CTNNA3: variants seen among roughly 807,000 people sequenced by gnomAD.
CTNNA3 encodes catenin alpha 3.
CTNNA3 carries 76 observed loss-of-function variants against 95.7 expected under a neutral mutation model. That is an observed-to-expected ratio of 0.79 (90% confidence interval 0.66 to 0.96). The LOEUF (loss-of-function observed/expected upper bound fraction) is 0.96. Ranked by LOEUF, CTNNA3 falls within the 40% of genes least tolerant of loss-of-function variation. The pLI, the probability that CTNNA3 is intolerant of heterozygous loss-of-function variation, is 0.00. For synonymous variants in CTNNA3, 431 were observed against 374.4 expected (o/e 1.15, Z -1.74); for missense variants, 1,191 against 1,089.8 (o/e 1.09, Z -1.31).
At chr10:66,139,401 G>A (rs2133873134) in intron 13 of CTNNA3, among the ~76,000 whole-genome samples, 1 of 152,182 alleles carries the variant, frequency 6.6e-6, no homozygotes, top group East Asian at 1.9e-4. Flanking sequence ...CATATGAATG[G>A]CTTACAACCA....
At position 67,539,712 on chromosome 10, in the gene CTNNA3, C is replaced by T. The variant is rs555231772; in HGVS notation, c.293-43G>A. 1.7e-4 allele frequency: 262 copies of T among 1,564,068 alleles called. No homozygotes were observed. The Middle Eastern group carries it at 1.7e-3, about 10-fold the overall frequency. ...ATATAAGTTATACTTTAAGTTTCAA[C>T]TATGCCTATTTCAGGATTTATCAGC... is the stretch of plus-strand genomic sequence containing the variant. On this transcript the variant is annotated intron_variant, in intron 3 of 17. Transcript: ENST00000433211.
At position 67,332,396 on chromosome 10, in the gene CTNNA3, G is replaced by T. The variant is rs565476621; in HGVS notation, c.580-112526C>A. On this transcript the variant is annotated intron_variant, in intron 5 of 17. Coordinates refer to ENST00000433211, the MANE Select transcript of CTNNA3 (RefSeq NM_013266.4). ...TAAAGAAGGTGAATTAGGAAACTTTGTTCCTCATAACAGAGCTCCAGTGCT... is the reference window on the plus strand; with the variant it reads ...TAAAGAAGGTGAATTAGGAAACTTTTTTCCTCATAACAGAGCTCCAGTGCT... 1.1e-3 allele frequency among the ~76,000 whole-genome samples: 168 copies of T among 152,278 alleles called. 1 individual carries two copies. Among genetic ancestry groups the T allele is most frequent in the African/African-American group, 3.9e-3 (163 of 41,554 alleles).
chr10:66,605,558 G>C (rs1564563737), intron 10 of CTNNA3, among the ~76,000 whole-genome samples: 1 of 152,106 alleles, frequency 6.6e-6, no homozygotes, highest in Admixed American at 6.5e-5. Context: ...CTGCTAGAGA[G>C]AAAGGCCAGG....
intron 5 of CTNNA3, among the ~76,000 whole-genome samples, chr10:67,443,830 G>A (rs1197728637): frequency 6.6e-6 from 1 of 152,018 alleles, no homozygotes; most frequent in Non-Finnish European, 1.5e-5. Context: ...TTTGGCTTTT[G>A]TTGCCATTGC....
intron 14 of CTNNA3, among the ~76,000 whole-genome samples, chr10:66,090,560 G>T (rs1175834960): frequency 1.3e-5 from 2 of 152,012 alleles, no homozygotes; most frequent in Non-Finnish European, 2.9e-5. Flanking sequence ...CTTGCTCAAT[G>T]ACAGCAGTTA....
chr10:66,931,761 G>A (rs981809995), intron 7 of CTNNA3, among the ~76,000 whole-genome samples: 2 of 152,072 alleles, frequency 1.3e-5, no homozygotes, highest in Non-Finnish European at 2.9e-5. Flanking sequence ...TGGAACAGAG[G>A]CCATAGAATT....
intron 11 of CTNNA3, among the ~76,000 whole-genome samples, chr10:66,474,136 C>T (rs1839236814): frequency 6.6e-6 from 1 of 152,022 alleles, no homozygotes; most frequent in Non-Finnish European, 1.5e-5. Context: ...ATCATAGTCA[C>T]CCGTCTGTGC....
At chr10:66,346,246 T>TATATAGAGAGAG (rs1416945569) in intron 12 of CTNNA3, among the ~76,000 whole-genome samples, 9 of 27,776 alleles carry the variant, frequency 3.2e-4, no homozygotes, top group Non-Finnish European at 6.8e-4. Flanking sequence ...TATATATATA[T>TATATAGAGAGAG]AGAGAGAGAG....
At chr10:66,645,883 G>C (rs757761073) in intron 9 of CTNNA3, among the ~76,000 whole-genome samples, 3 of 152,118 alleles carry the variant, frequency 2.0e-5, no homozygotes, top group Non-Finnish European at 2.9e-5. Context: ...AAAAGGTTGG[G>C]GATCGCTGCC....
chr10:67,108,446 T>C (rs1237861372), intron 7 of CTNNA3, among the ~76,000 whole-genome samples: 2 of 151,078 alleles, frequency 1.3e-5, no homozygotes, highest in African/African-American at 2.4e-5. Context: ...TATAATGATA[T>C]TTTGATATTT....
intron 9 of CTNNA3, among the ~76,000 whole-genome samples, chr10:66,761,829 G>A (rs980179375): frequency 6.6e-6 from 1 of 152,084 alleles, no homozygotes; most frequent in African/African-American, 2.4e-5. Flanking sequence ...GTCTGCTTTT[G>A]ATAATTAATG....
intron 5 of CTNNA3, among the ~76,000 whole-genome samples, chr10:67,371,186 G>T (rs1200348255): frequency 6.6e-6 from 1 of 151,408 alleles, no homozygotes; most frequent in Non-Finnish European, 1.5e-5. Flanking sequence ...TTTACAGCAA[G>T]AAATTGTTCC....
In CTNNA3 at chr10:65,953,291, A is replaced by G. The variant is rs548649134; in HGVS notation, c.2400+13321T>C. Reference sequence around the variant, plus strand: ...ATATTTTTTATTCTATTTCTAATTTAGGACATTCATACATCAAGATGACTA... The same window carrying G: ...ATATTTTTTATTCTATTTCTAATTTGGGACATTCATACATCAAGATGACTA... On this transcript the variant is annotated intron_variant, in intron 17 of 17. Coordinates refer to ENST00000433211, the MANE Select transcript of CTNNA3 (RefSeq NM_013266.4). 1.3e-4 allele frequency among the ~76,000 whole-genome samples: 20 copies of G among 152,292 alleles called. No individual in the cohort carries two copies. In the South Asian group the frequency reaches 2.5e-3, roughly 19 times the overall value.
At chr10:66,844,857 T>G (rs1015741786) in intron 7 of CTNNA3, among the ~76,000 whole-genome samples, 6 of 152,198 alleles carry the variant, frequency 3.9e-5, no homozygotes, top group Admixed American at 2.6e-4. Context: ...TGGCCCTAAC[T>G]TTTTGAATGG....
chr10:67,532,999 A>G (rs2133187804), intron 4 of CTNNA3, among the ~76,000 whole-genome samples: 1 of 152,050 alleles, frequency 6.6e-6, no homozygotes, highest in Admixed American at 6.5e-5. Context: ...ATCCAAACCT[A>G]TTTTCTTCCA....
intron 7 of CTNNA3, among the ~76,000 whole-genome samples, chr10:67,075,378 G>C (rs1370089209): frequency 1.3e-5 from 2 of 152,136 alleles, no homozygotes; most frequent in African/African-American, 4.8e-5. Context: ...GTTACCCTGA[G>C]AGAGATGCCA....
At chr10:67,436,273 G>A (rs1306590693) in intron 5 of CTNNA3, among the ~76,000 whole-genome samples, 2 of 152,128 alleles carry the variant, frequency 1.3e-5, no homozygotes, top group Non-Finnish European at 2.9e-5. Flanking sequence ...CTAGACACAA[G>A]TAGGATAATG....
intron 1 of CTNNA3, among the ~76,000 whole-genome samples, chr10:67,666,790 C>G (rs374594445): frequency 6.6e-6 from 1 of 151,954 alleles, no homozygotes. Flanking sequence ...CTTTTAGAGC[C>G]CAGATTAATG....
At chr10:66,978,061 TATATATAC>T (rs1564807962) in intron 7 of CTNNA3, among the ~76,000 whole-genome samples, 50 of 19,746 alleles carry the variant, frequency 2.5e-3, no homozygotes, top group Admixed American at 0.012. Context: ...CACATATATA[TATATATAC>T]ACACACACAC....
Sources: allele counts gnomAD v4.1 joint callset (sites outside exome capture counted in the v4.1 genomes callset), GRCh38; gene constraint gnomAD v4.1.1; transcripts MANE v1.5; gene names NCBI Gene and HGNC (gene_info 2026-07-23, HGNC 2026-07-21).